The following KDM4C variants were observed in gnomAD, a reference collection of about 807,000 sequenced individuals.
KDM4C encodes lysine-specific demethylase 4C.
In KDM4C, 81 loss-of-function variants were observed where a neutral mutation model predicts 129.3. The observed-to-expected ratio is 0.63, with a 90% CI of 0.52 to 0.75. KDM4C has a LOEUF of 0.75. KDM4C is among the 30% of genes least tolerant of loss of function. KDM4C has a pLI of 0.00. For synonymous variants in KDM4C, 573 were observed against 456.1 expected, an observed-to-expected ratio of 1.26 and a Z score of -3.26; for missense variants, 1,457 against 1,304.0, an observed-to-expected ratio of 1.12 and a Z score of -1.81.
chr9:6,831,608 C>G (rs946238069), intron 4 of KDM4C, among the ~76,000 whole-genome samples: 1 of 152,138 alleles, frequency 6.6e-6, no homozygotes, highest in African/African-American at 2.4e-5. Flanking sequence ...CTCTAAAGTG[C>G]TGGGATTACA....
intron 8 of KDM4C, among the ~76,000 whole-genome samples, chr9:6,906,128 C>G (rs1315889184): frequency 6.6e-6 from 1 of 152,098 alleles, no homozygotes; most frequent in Non-Finnish European, 1.5e-5. Context: ...TCAAAGGGCA[C>G]ATGTCAAGTT....
chr9:7,007,831 A>T (rs966568797), intron 12 of KDM4C, among the ~76,000 whole-genome samples: 10 of 152,224 alleles, frequency 6.6e-5, no homozygotes, highest in African/African-American at 2.4e-4. Flanking sequence ...AGCAATAAAA[A>T]CAACATTTAC....
At chr9:6,961,057 G>C (rs950659715) in intron 8 of KDM4C, among the ~76,000 whole-genome samples, 1 of 152,038 alleles carries the variant, frequency 6.6e-6, no homozygotes, top group Non-Finnish European at 1.5e-5. Flanking sequence ...CTTTTTCTTA[G>C]GCTGACACTT....
chr9:6,810,499 GT>G (rs1369185053), intron 3 of KDM4C, among the ~76,000 whole-genome samples: 1 of 151,796 alleles, frequency 6.6e-6, no homozygotes, highest in Non-Finnish European at 1.5e-5. Context: ...AAAATTTTTG[GT>G]TTTTTTTAAG....
chr9:7,046,303 G>A (rs935406975), intron 15 of KDM4C, among the ~76,000 whole-genome samples: 3 of 151,950 alleles, frequency 2.0e-5, no homozygotes, highest in Admixed American at 1.3e-4. Flanking sequence ...GATAGCTGGG[G>A]TTGATCAGGA....
intron 9 of KDM4C, 133 bp from the exon 10 acceptor site, chr9:6,984,033 T>C: frequency 1.7e-6 from 1 of 598,016 alleles, no homozygotes; most frequent in Non-Finnish European, 3.0e-6. Flanking sequence ...GTTGTGAACA[T>C]TGACTTGGCA....
intron 13 of KDM4C, 21 bp downstream of exon 13, chr9:7,011,900 A>C (rs563703947): frequency 1.3e-6 from 2 of 1,599,424 alleles, no homozygotes; most frequent in East Asian, 2.2e-5. Flanking sequence ...CTGCTATCAT[A>C]GTTCCCTTCA....
chr9:6,798,977 C>A (rs184616019), intron 2 of KDM4C, among the ~76,000 whole-genome samples: 33 of 117,568 alleles, frequency 2.8e-4, no homozygotes, highest in African/African-American at 8.4e-4. Context: ...GGTGGCCGGG[C>A]AGAGACGCTC....
intron 1 of KDM4C, among the ~76,000 whole-genome samples, chr9:6,760,444 G>A: frequency 1.0e-5 from 1 of 95,768 alleles, no homozygotes; most frequent in Non-Finnish European, 2.0e-5. Flanking sequence ...TCTACTCTTG[G>A]GTATATATAT....
At chr9:6,821,296 A>C (rs575522830) in intron 4 of KDM4C, among the ~76,000 whole-genome samples, 3 of 152,200 alleles carry the variant, frequency 2.0e-5, no homozygotes, top group Non-Finnish European at 4.4e-5. Context: ...GAATCACCAC[A>C]CTGTCTTCCA....
At chr9:6,864,655 T>G (rs1841593241) in intron 5 of KDM4C, among the ~76,000 whole-genome samples, 1 of 151,728 alleles carries the variant, frequency 6.6e-6, no homozygotes, top group South Asian at 2.1e-4. Context: ...TTAAATTTAT[T>G]TTATTTATTT....
intron 18 of KDM4C, among the ~76,000 whole-genome samples, chr9:7,116,759 A>T (rs1183314708): frequency 6.6e-6 from 1 of 152,174 alleles, no homozygotes; most frequent in African/African-American, 2.4e-5. Flanking sequence ...CCGTACCTTT[A>T]GTTGCTTCTC....
intron 17 of KDM4C, among the ~76,000 whole-genome samples, chr9:7,096,563 A>G (rs977643916): frequency 3.3e-5 from 5 of 152,224 alleles, no homozygotes; most frequent in Non-Finnish European, 7.3e-5. Context: ...AGTCAGACAG[A>G]CAACTATGAA....
intron 1 of KDM4C, among the ~76,000 whole-genome samples, chr9:6,732,538 G>A (rs574866966): frequency 1.3e-5 from 2 of 151,852 alleles, no homozygotes; most frequent in South Asian, 2.1e-4. Context: ...ATGAGCCACC[G>A]CACCCAGCCA....
chr9:7,091,990 A>G (rs532301883), intron 17 of KDM4C, among the ~76,000 whole-genome samples: 298 of 152,272 alleles, frequency 2.0e-3, no homozygotes, highest in African/African-American at 6.6e-3. Flanking sequence ...TCTCTTTTTC[A>G]TATATACCCC....
chr9:6,747,571 T>TA, intron 1 of KDM4C, among the ~76,000 whole-genome samples: 1 of 141,980 alleles, frequency 7.0e-6, no homozygotes, highest in East Asian at 2.1e-4. Context: ...AATATAGAAA[T>TA]ACACATTATC....
At chr9:6,834,164 A>C (rs1476439835) in intron 4 of KDM4C, among the ~76,000 whole-genome samples, 4 of 150,636 alleles carry the variant, frequency 2.7e-5, no homozygotes, top group African/African-American at 9.8e-5. Flanking sequence ...CCAGTCTCCC[A>C]AAAAGCTGGG....
At chr9:7,029,655 A>G (rs1826398325) in intron 15 of KDM4C, among the ~76,000 whole-genome samples, 4 of 152,224 alleles carry the variant, frequency 2.6e-5, no homozygotes, top group Admixed American at 2.6e-4. Flanking sequence ...TTTGGGGGAC[A>G]GTATAGCATT....
intron 5 of KDM4C, among the ~76,000 whole-genome samples, chr9:6,850,964 A>C (rs1838734398): frequency 6.6e-6 from 1 of 152,096 alleles, no homozygotes; most frequent in Non-Finnish European, 1.5e-5. Context: ...CATGTTGGCC[A>C]GGCTGGTCTC....
Sources: gnomAD v4.1 joint callset for allele counts (sites outside exome capture counted in the v4.1 genomes callset) on GRCh38, gnomAD v4.1.1 for gene constraint, MANE v1.5 for transcripts, NCBI Gene and HGNC (gene_info 2026-07-23, HGNC 2026-07-21) for gene names.